The following SMAD3 variants were observed in gnomAD, a reference collection of about 807,000 sequenced individuals.
SMAD3 encodes the protein SMAD family member 3.
Under a neutral mutation model 51.8 loss-of-function variants are expected in SMAD3, and 12 were observed. That is an observed-to-expected ratio of 0.23 (90% CI 0.15 to 0.38). The LOEUF is 0.38. Among genes scored for constraint, SMAD3 ranks in the 10% least tolerant of loss-of-function variants. SMAD3 has a pLI of 1.00. For synonymous variants in SMAD3, 238 were observed against 227.7 expected (o/e 1.05, Z -0.41); for missense variants, 294 against 565.6 (o/e 0.52, Z 4.87).
chr15:67,176,953 C>G (rs1007292508), intron 5 of SMAD3, among the ~76,000 whole-genome samples: 1 of 152,326 alleles, frequency 6.6e-6, no homozygotes, highest in East Asian at 1.9e-4. Context: ...AAATGCTCAG[C>G]CTAGAGGTGA....
rs1283794057 is a variant in SMAD3 at position 67,194,071 on chromosome 15, G to A, written c.*3535G>A. On this transcript the variant is annotated 3_prime_UTR_variant, in exon 9 of 9. Transcript: ENST00000327367. ...GGACTGTTCACCAAGGGGGATACCAGCAGCAAGAGAGTGCACCCGTTTAGC... is the reference window on the plus strand; with the variant it reads ...GGACTGTTCACCAAGGGGGATACCAACAGCAAGAGAGTGCACCCGTTTAGC... The A allele has an allele frequency of 1.3e-5, 3 of 233,336 alleles. No individual in the cohort carries two copies. Among genetic ancestry groups the A allele is most frequent in the Non-Finnish European group, 2.5e-5 (3 of 117,998 alleles). The allele number at this position is 233,336 out of a possible 1,614,324, so 14.5% of individuals were successfully genotyped here.
intron 1 of SMAD3, among the ~76,000 whole-genome samples, chr15:67,089,737 G>A (rs1353702310): frequency 1.3e-5 from 2 of 152,240 alleles, no homozygotes; most frequent in African/African-American, 4.8e-5. Flanking sequence ...AGTTTACAAA[G>A]CACTTTCCCA....
chr15:67,120,830 T>A lies in SMAD3; in HGVS notation c.207-44065T>A, dbSNP rs1007976571. 2.6e-5 allele frequency among the ~76,000 whole-genome samples: 4 copies of A among 152,208 alleles called. No homozygotes were observed. The East Asian group carries it at 7.7e-4, about 29-fold the overall frequency. ...TTGAATGCAGCCCAACACAAATTCA[T>A]AAACTTTCTGAAAACATTGTAAGAT... On this transcript the variant is annotated intron_variant, in intron 1 of 8. Coordinates refer to ENST00000327367, the MANE Select transcript of SMAD3 (RefSeq NM_005902.4).
intron 4 of SMAD3, among the ~76,000 whole-genome samples, chr15:67,168,498 G>A (rs1039357887): frequency 6.6e-6 from 1 of 152,242 alleles, no homozygotes; most frequent in African/African-American, 2.4e-5. Context: ...CATGTCTCCA[G>A]CTGCTGTGTT....
chr15:67,192,300 T>C lies in SMAD3; in HGVS notation c.*1764T>C. ...TAGGACAGCTGCTCCCCAAGCCTCC[T>C]GAGGACACAGGAAGAGACGGAAGGA... is the stretch of plus-strand genomic sequence containing the variant. On this transcript the variant is annotated 3_prime_UTR_variant, in exon 9 of 9. Transcript: ENST00000327367. 1 of 233,006 alleles carries C rather than the reference T, an allele frequency of 4.3e-6. No homozygotes were observed. Among genetic ancestry groups the C allele is most frequent in the East Asian group, 6.0e-5 (1 of 16,634 alleles). 14.4% of individuals were successfully genotyped at this position (233,006 alleles called of 1,614,324 possible).
chr15:67,134,534 T>G (rs1961605490), intron 1 of SMAD3, among the ~76,000 whole-genome samples: 1 of 151,638 alleles, frequency 6.6e-6, no homozygotes, highest in African/African-American at 2.4e-5. Context: ...CAGTGTTGTC[T>G]TACGCTCGGG....
At chr15:67,082,631 A>G (rs1401225478) in intron 1 of SMAD3, among the ~76,000 whole-genome samples, 1 of 152,266 alleles carries the variant, frequency 6.6e-6, no homozygotes, top group African/African-American at 2.4e-5. Flanking sequence ...TTAAAAACAA[A>G]GTCCTGTCCA....
chr15:67,163,031 T>C (rs1176545671), intron 1 of SMAD3, among the ~76,000 whole-genome samples: 1 of 152,050 alleles, frequency 6.6e-6, no homozygotes, highest in Non-Finnish European at 1.5e-5. Flanking sequence ...TGGAGTGCAG[T>C]GGCACAATCT....
chr15:67,093,688 AAG>A (rs1369802735), intron 1 of SMAD3, among the ~76,000 whole-genome samples: 11 of 152,236 alleles, frequency 7.2e-5, no homozygotes, highest in African/African-American at 2.7e-4. Flanking sequence ...TAAGAAGGGA[AAG>A]AGGAACTGGG....
intron 3 of SMAD3, among the ~76,000 whole-genome samples, chr15:67,165,630 G>C (rs1052587319): frequency 6.6e-6 from 1 of 152,242 alleles, no homozygotes; most frequent in Non-Finnish European, 1.5e-5. Context: ...CCTTCCGCCC[G>C]GCCTTGGTGC....
In SMAD3 at chr15:67,145,363, C is replaced by T. The variant is rs138946774; in HGVS notation, c.207-19532C>T. 1.3e-4 allele frequency among the ~76,000 whole-genome samples: 20 copies of T among 152,198 alleles called. No individual in the cohort carries two copies. The East Asian group carries it at 3.1e-3, about 23-fold the overall frequency. On this transcript the variant is annotated intron_variant, in intron 1 of 8. Transcript: ENST00000327367. ...AGGGGGGAGTTTGAAGAAGGCTTGG[C>T]AAAATTTGATAGACCTGGGAAAGAG...
chr15:67,102,267 T>TGTGTGTGTGTGTGC (rs781214785), intron 1 of SMAD3, among the ~76,000 whole-genome samples: 21 of 131,962 alleles, frequency 1.6e-4, no homozygotes, highest in Non-Finnish European at 2.5e-4. Flanking sequence ...TGTGTGTGTG[T>TGTGTGTGTGTGTGC]GCGGTGTGTG....
intron 1 of SMAD3, among the ~76,000 whole-genome samples, chr15:67,122,703 G>C (rs932759243): frequency 2.1e-4 from 32 of 152,078 alleles, no homozygotes; most frequent in Non-Finnish European, 4.6e-4. Context: ...TTTTTTCACA[G>C]AGCAATGATG....
chr15:67,097,178 ATC>A (rs1322147196), intron 1 of SMAD3, among the ~76,000 whole-genome samples: 10 of 151,634 alleles, frequency 6.6e-5, no homozygotes, highest in African/African-American at 2.2e-4. Context: ...TCTTATCTCC[ATC>A]TCTCTGTCCT....
At chr15:67,073,737 C>T (rs572145291) in intron 1 of SMAD3, among the ~76,000 whole-genome samples, 1 of 152,318 alleles carries the variant, frequency 6.6e-6, no homozygotes, top group Non-Finnish European at 1.5e-5. Context: ...TGCAATGGCG[C>T]GGTCTTGCCT....
At chr15:67,092,043 A>G (rs895821310) in intron 1 of SMAD3, among the ~76,000 whole-genome samples, 3 of 152,126 alleles carry the variant, frequency 2.0e-5, no homozygotes, top group African/African-American at 7.2e-5. Flanking sequence ...CTGCTTCTAA[A>G]ATTGCCGACC....
At chr15:67,104,308 T>C (rs961041245) in intron 1 of SMAD3, among the ~76,000 whole-genome samples, 1 of 152,166 alleles carries the variant, frequency 6.6e-6, no homozygotes, top group Non-Finnish European at 1.5e-5. Flanking sequence ...AGCTATAGGG[T>C]GTCACTGTAT....
At chr15:67,080,264 G>A (rs1282116947) in intron 1 of SMAD3, among the ~76,000 whole-genome samples, 1 of 152,240 alleles carries the variant, frequency 6.6e-6, no homozygotes. Context: ...AGTTGGCAAT[G>A]TAATATTTTA....
At chr15:67,171,243 T>C (rs1228635415) in intron 5 of SMAD3, among the ~76,000 whole-genome samples, 1 of 152,160 alleles carries the variant, frequency 6.6e-6, no homozygotes, top group African/African-American at 2.4e-5. Flanking sequence ...CACGTTTCCG[T>C]ATTTAGGTGT....
Sources: allele counts gnomAD v4.1 joint callset (sites outside exome capture counted in the v4.1 genomes callset), GRCh38; gene constraint gnomAD v4.1.1; transcripts MANE v1.5; gene names NCBI Gene and HGNC (gene_info 2026-07-23, HGNC 2026-07-21).